The following PCNX1 variants were observed in gnomAD, a reference collection of about 807,000 sequenced individuals.
PCNX1 encodes pecanex-like protein 1.
In PCNX1, 78 loss-of-function variants were observed where a neutral mutation model predicts 242.2. The ratio of observed to expected loss-of-function variants is 0.32; its 90% CI spans 0.27 to 0.39. The LOEUF (loss-of-function observed/expected upper bound fraction) is 0.39. Among genes scored for constraint, PCNX1 ranks in the 10% least tolerant of loss-of-function variants. The probability of loss-of-function intolerance (pLI) is 1.00; values close to 1 mark genes in which losing one functional copy is unlikely to be tolerated. For missense variants in PCNX1, 2,581 were observed against 2,856.5 expected (o/e 0.90, Z 2.20); for synonymous variants, 1,024 against 1,032.9 (o/e 0.99, Z 0.17).
intron 12 of PCNX1, among the ~76,000 whole-genome samples, chr14:71,021,287 A>G (rs924432304): frequency 2.6e-5 from 4 of 152,068 alleles, no homozygotes; most frequent in African/African-American, 9.7e-5. Context: ...GTTTTTTCTA[A>G]TTCTGTAAGA....
At chr14:70,961,599 C>A (rs982911024) in intron 2 of PCNX1, among the ~76,000 whole-genome samples, 1 of 152,160 alleles carries the variant, frequency 6.6e-6, no homozygotes, top group Non-Finnish European at 1.5e-5. Context: ...TGTATCGTTA[C>A]TACATAGCAT....
intron 7 of PCNX1, among the ~76,000 whole-genome samples, chr14:70,993,632 G>A (rs1026041992): frequency 2.0e-5 from 3 of 152,000 alleles, no homozygotes; most frequent in African/African-American, 4.8e-5. Context: ...ACTCAAATGC[G>A]TTCATGCCAA....
intron 1 of PCNX1, 157 bp from the exon 2 acceptor site, chr14:70,946,755 TGCA>T: frequency 1.7e-6 from 1 of 592,110 alleles, no homozygotes; most frequent in Admixed American, 3.0e-5. Context: ...TAGTGTCTTT[TGCA>T]TTGGGCATTG....
Position 71,045,160 on chromosome 14 carries a change from T to C in PCNX1, c.3895T>C (p.Leu1299=), listed in dbSNP as rs754401772. 6.2e-7 allele frequency: 1 copy of C among 1,612,268 alleles called. No individual in the cohort carries two copies. The highest frequency in any genetic ancestry group is 8.5e-7 in the Non-Finnish European group (1 of 1,179,202). The change falls in exon 20 of 36, where the codon TTG becomes CTG. Residue 1299 remains leucine, a synonymous_variant. Coordinates refer to ENST00000304743, the MANE Select transcript of PCNX1 (RefSeq NM_014982.3). ...QPALKYVLYT[L]VGFVGFVTHY... ...TGCCCTCAAGTATGTGTTGTATACATTGGTTGGCTTTGTGGGTTTTGTAAC... is the reference window on the plus strand; with the variant it reads ...TGCCCTCAAGTATGTGTTGTATACACTGGTTGGCTTTGTGGGTTTTGTAAC...
rs1381175628 is a variant in PCNX1 at position 71,013,510 on chromosome 14, T to C, written c.2996+308T>C. On this transcript the variant is annotated intron_variant, in intron 11 of 35. Transcript: ENST00000304743. Reference sequence around the variant, plus strand: ...TTGATGATCTTTAAGTTATAGGTAATATGATGCAAAGTTCTATATAACAGT... The same window carrying C: ...TTGATGATCTTTAAGTTATAGGTAACATGATGCAAAGTTCTATATAACAGT... 2.9e-5 allele frequency among the ~76,000 whole-genome samples: 4 copies of C among 135,962 alleles called. No individual in the cohort carries two copies. The East Asian group carries it at 8.1e-4, about 27-fold the overall frequency. 89.2% of individuals were successfully genotyped at this position (135,962 alleles called of 152,430 possible).
chr14:71,097,036 A>G (rs926836272), intron 30 of PCNX1, among the ~76,000 whole-genome samples: 1 of 152,128 alleles, frequency 6.6e-6, no homozygotes, highest in African/African-American at 2.4e-5. Context: ...AGGCAGCTCC[A>G]TTAGCTAAAG....
At chr14:71,003,080 C>CTT (rs3083307) in intron 8 of PCNX1, among the ~76,000 whole-genome samples, 19,310 of 95,022 alleles carry the variant, frequency 0.2, 2,832 homozygotes, top group East Asian at 0.35. Context: ...TGGTTGTCTT[C>CTT]TTTTTTTTTT....
At chr14:71,004,126 G>A (rs1170975918) in intron 8 of PCNX1, among the ~76,000 whole-genome samples, 2 of 152,190 alleles carry the variant, frequency 1.3e-5, no homozygotes, top group Non-Finnish European at 2.9e-5. Flanking sequence ...GTTCTGTATT[G>A]TCTTATGCCT....
intron 5 of PCNX1, among the ~76,000 whole-genome samples, chr14:70,972,481 A>G (rs10162544): frequency 1.6e-3 from 246 of 152,262 alleles, no homozygotes; most frequent in African/African-American, 5.7e-3. Context: ...GTATCAGGGC[A>G]AGCATACTTG....
chr14:71,065,018 T>C (rs545056749), intron 26 of PCNX1, among the ~76,000 whole-genome samples: 51 of 152,378 alleles, frequency 3.3e-4, no homozygotes, highest in African/African-American at 1.2e-3. Context: ...CAGTCTATCA[T>C]TGATGGGCAT....
intron 5 of PCNX1, 28 bp from the exon 6 acceptor site, chr14:70,976,914 A>T (rs1211203437): frequency 1.9e-6 from 3 of 1,584,434 alleles, no homozygotes; most frequent in Non-Finnish European, 2.6e-6. Flanking sequence ...CATTTATTTT[A>T]ACATTTCAAA....
At chr14:70,965,341 A>T (rs118014072) in intron 3 of PCNX1, 3 of 152,198 alleles carry the variant, frequency 2.0e-5, no homozygotes, top group Non-Finnish European at 2.9e-5. Flanking sequence ...TAGGTGTGAT[A>T]TAAGTAACCA....
intron 5 of PCNX1, among the ~76,000 whole-genome samples, chr14:70,970,471 T>TC (rs2058508807): frequency 6.6e-6 from 1 of 152,222 alleles, no homozygotes; most frequent in African/African-American, 2.4e-5. Flanking sequence ...AACAACTAGA[T>TC]AATAATCTCA....
At chr14:70,936,399 C>A (rs548036888) in intron 1 of PCNX1, among the ~76,000 whole-genome samples, 1 of 151,446 alleles carries the variant, frequency 6.6e-6, no homozygotes, top group Non-Finnish European at 1.5e-5. Flanking sequence ...TCTGTCCTTG[C>A]GACAGTTTGC....
intron 14 of PCNX1, 27 bp downstream of exon 14, chr14:71,026,315 C>G (rs377487950): frequency 7.7e-5 from 106 of 1,379,392 alleles, no homozygotes; most frequent in Non-Finnish European, 1.0e-4. Context: ...TATCTCTAAT[C>G]TTAAAATTAA....
chr14:71,019,249 G>T, intron 12 of PCNX1, 87 bp downstream of exon 12: 1 of 1,035,670 alleles, frequency 9.7e-7, no homozygotes, highest in South Asian at 2.0e-5. Flanking sequence ...ATTATAGTAA[G>T]ATAATTATTT....
At chr14:71,056,045 T>C (rs2061174362) in intron 25 of PCNX1, among the ~76,000 whole-genome samples, 1 of 152,234 alleles carries the variant, frequency 6.6e-6, no homozygotes, top group Admixed American at 6.5e-5. Flanking sequence ...CTTGCTGGTG[T>C]TACCATTATC....
intron 31 of PCNX1, among the ~76,000 whole-genome samples, chr14:71,102,726 T>C (rs1016688990): frequency 3.3e-5 from 5 of 152,200 alleles, no homozygotes; most frequent in African/African-American, 1.2e-4. Context: ...CCATAAAGCC[T>C]TAAAATTTTT....
At chr14:71,091,874 C>T (rs1331610408) in intron 30 of PCNX1, among the ~76,000 whole-genome samples, 1 of 152,178 alleles carries the variant, frequency 6.6e-6, no homozygotes, top group Non-Finnish European at 1.5e-5. Flanking sequence ...TGGGAGTATG[C>T]TTAAAACGCC....
Sources: gnomAD v4.1 joint callset for allele counts (sites outside exome capture counted in the v4.1 genomes callset) on GRCh38, gnomAD v4.1.1 for gene constraint, MANE v1.5 for transcripts, NCBI Gene and HGNC (gene_info 2026-07-23, HGNC 2026-07-21) for gene names.